Variants in MCF2L observed in about 807,000 individuals in gnomAD.
MCF2L encodes guanine nucleotide exchange factor DBS.
A neutral mutation model predicts 153.4 loss-of-function variants in MCF2L; 97 were observed. The ratio of observed to expected loss-of-function variants is 0.63; its 90% CI spans 0.54 to 0.75. The LOEUF (loss-of-function observed/expected upper bound fraction) is 0.75. MCF2L is among the 30% of genes least tolerant of loss of function. MCF2L has a pLI of 0.00. For missense variants in MCF2L, 1,347 were observed against 1,495.2 expected (o/e 0.90, Z 1.64); for synonymous variants, 659 against 632.2 (o/e 1.04, Z -0.64).
intron 1 of MCF2L, among the ~76,000 whole-genome samples, chr13:112,991,372 A>C (rs1455057952): frequency 7.6e-6 from 1 of 131,714 alleles, no homozygotes; most frequent in East Asian, 2.3e-4. Flanking sequence ...TTTGGGGGGC[A>C]TCTCCCAGGA....
At chr13:112,947,356 A>T (rs568957275) in intron 2 of MCF2L, among the ~76,000 whole-genome samples, 1 of 152,338 alleles carries the variant, frequency 6.6e-6, no homozygotes, top group East Asian at 1.9e-4. Flanking sequence ...GTCTTAGCTC[A>T]TTCCAACACC....
Position 113,012,417 on chromosome 13 carries a change from A to G in MCF2L, c.80-2346A>G, listed in dbSNP as rs190965502. On this transcript the variant is annotated intron_variant, in intron 1 of 29. Coordinates refer to ENST00000535094, the MANE Select transcript of MCF2L (RefSeq NM_001112732.3). ...GTGGACACTGTGATGCGGACGGTGG[A>G]CAGGCAGTGTGGACGGTGGACACTG... is the stretch of plus-strand genomic sequence containing the variant. 6.6e-3 allele frequency among the ~76,000 whole-genome samples: 718 copies of G among 108,118 alleles called. 69 individuals are homozygous for G. Among genetic ancestry groups the G allele is most frequent in the African/African-American group, 0.023 (677 of 29,738 alleles). 70.9% of individuals were successfully genotyped at this position (108,118 alleles called of 152,430 possible).
At chr13:112,963,895 G>A (rs951309059) in intron 2 of MCF2L, among the ~76,000 whole-genome samples, 3 of 152,216 alleles carry the variant, frequency 2.0e-5, no homozygotes, top group Non-Finnish European at 2.9e-5. Flanking sequence ...CAGTGTGCAC[G>A]GCCACGCCAA....
At chr13:113,024,842 A>G in intron 3 of MCF2L, 84 bp downstream of exon 3, 2 of 1,056,308 alleles carry the variant, frequency 1.9e-6, no homozygotes, top group South Asian at 1.3e-5. Flanking sequence ...CCCTGCAACT[A>G]TGGGATGAGG....
chr13:113,091,401 A>G (rs759987888), intron 26 of MCF2L, among the ~76,000 whole-genome samples: 12 of 152,322 alleles, frequency 7.9e-5, no homozygotes, highest in Middle Eastern at 6.8e-3. Context: ...AACTCCTCAC[A>G]GCAGGTCTAT....
chr13:112,895,325 A>G (rs1249164256), intron 1 of MCF2L, among the ~76,000 whole-genome samples: 3 of 152,146 alleles, frequency 2.0e-5, no homozygotes, highest in Admixed American at 2.0e-4. Flanking sequence ...CGGGCCGCCC[A>G]GGCAGGATGT....
intron 1 of MCF2L, among the ~76,000 whole-genome samples, chr13:113,013,385 GCCCTGCTGCTTCCCC>G (rs545261493): frequency 2.6e-4 from 39 of 152,220 alleles, no homozygotes; most frequent in African/African-American, 9.4e-4. Flanking sequence ...TGACACCGTG[GCCCTGCTGCTTCCCC>G]CCCAACACCA....
chr13:113,018,849 T>A (rs920265422), intron 2 of MCF2L, among the ~76,000 whole-genome samples: 8 of 152,164 alleles, frequency 5.3e-5, no homozygotes, highest in Non-Finnish European at 1.2e-4. Flanking sequence ...GCGGCCCCCC[T>A]CCCACTGCCC....
At position 112,969,320 on chromosome 13, in the gene MCF2L, G is replaced by T. The variant is rs1043213121; in HGVS notation, c.-60G>T. On this transcript the variant is annotated 5_prime_UTR_variant, in exon 1 of 30. Transcript: ENST00000535094. The surrounding 1 kb of genome is among the most constrained non-coding windows in gnomAD (Gnocchi z 4.8). ...CCTCCGCACTCGCACGGCCCCACCC[G>T]CAGGCGCCCCCCGTGCGGAGGAAGC... is the stretch of plus-strand genomic sequence containing the variant. The T allele has an allele frequency of 3.8e-5, 58 of 1,543,212 alleles. No homozygotes were observed. The highest frequency in any genetic ancestry group is 5.0e-5 in the Non-Finnish European group (57 of 1,142,414).
In MCF2L at chr13:112,916,264, TGATTA is replaced by T. The variant is rs2081291335; in HGVS notation, c.169+13895_169+13899del. On this transcript the variant is annotated intron_variant, in intron 2 of 29. Transcript: ENST00000375608. ...TATTTGTCCCTTCTCTCTTTTTCCT[TGATTA>T]GGTTAGCGGATAGTTTATCTATTTA... 4.0e-5 allele frequency among the ~76,000 whole-genome samples: 6 copies of T among 150,446 alleles called. No individual in the cohort carries two copies. In the South Asian group the frequency reaches 1.2e-3, roughly 31 times the overall value.
At chr13:113,057,895 G>T (rs1227276366) in intron 4 of MCF2L, among the ~76,000 whole-genome samples, 1 of 140,818 alleles carries the variant, frequency 7.1e-6, no homozygotes, top group African/African-American at 2.7e-5. Flanking sequence ...GTGTTTGGGT[G>T]CTGAGTGGGT....
chr13:113,074,842 C>G lies in MCF2L; in HGVS notation c.1117-156C>G, dbSNP rs2033291868. Among the ~76,000 whole-genome samples, 3 of 152,194 alleles carry G rather than the reference C, an allele frequency of 2.0e-5. No individual in the cohort carries two copies. Among genetic ancestry groups the G allele is most frequent in the Non-Finnish European group, 1.5e-5 (1 of 68,036 alleles). On this transcript the variant is annotated intron_variant, in intron 10 of 29. Coordinates refer to ENST00000535094, the MANE Select transcript of MCF2L (RefSeq NM_001112732.3). The surrounding 1 kb of genome is among the most constrained non-coding windows in gnomAD (Gnocchi z 4.2). ...GCCCCCAGAAGCACTTGCCACAGAA[C>G]AGCTTCGGGGATTAAGCAGCATCTC...
intron 3 of MCF2L, chr13:113,043,803 T>G (rs1162566058): frequency 3.3e-5 from 5 of 152,224 alleles, no homozygotes; most frequent in African/African-American, 1.2e-4. Flanking sequence ...GGCCAAGCAA[T>G]CTTCCCACCT....
chr13:113,087,880 T>G lies in MCF2L; in HGVS notation c.2688+81T>G. 3.2e-6 allele frequency: 4 copies of G among 1,245,706 alleles called. No individual in the cohort carries two copies. In the South Asian group the frequency reaches 3.7e-5, roughly 11 times the overall value. 77.2% of individuals were successfully genotyped at this position (1,245,706 alleles called of 1,614,324 possible). A position where few individuals can be genotyped will look rare whatever the true frequency, so the allele number is the denominator to read the frequency against. On this transcript the variant is annotated intron_variant, in intron 23 of 29. Transcript: ENST00000535094. ...TGGGAACCAGTGCAAGGATCTGCCA[T>G]GAAGTTGCATCGAGCCCAGGAGCAG...
intron 1 of MCF2L, chr13:113,001,731 G>A: frequency 1.5e-6 from 2 of 1,360,458 alleles, no homozygotes; most frequent in South Asian, 1.8e-5. Context: ...TCGAATCGGA[G>A]GCCCTGGGAG....
At position 113,094,579 on chromosome 13, in the gene MCF2L, G is replaced by A. The variant is rs749547050; in HGVS notation, c.3019G>A (p.Glu1007Lys). The change falls in exon 27 of 30, where the codon GAG becomes AAG. Residue 1007 changes from glutamate (E) to lysine (K), a missense_variant. Physicochemically the swap from Glu to Lys is moderately conservative, Grantham distance 56. Around this residue, in one of 3 missense-constraint regions of MCF2L, gnomAD observed 383 missense variants for 335.4 expected, o/e 1.14. Coordinates refer to ENST00000535094, the MANE Select transcript of MCF2L (RefSeq NM_001112732.3). ...EDDGGWSSAE[E>K]QINSSDAEED... ...CGACGGGGGCTGGTCAAGTGCAGAG[G>A]AGCAGATTAACTCGTCCGACGCAGA... 1.2e-5 allele frequency: 19 copies of A among 1,612,570 alleles called. No individual in the cohort carries two copies. Among genetic ancestry groups the A allele is most frequent in the Non-Finnish European group, 5.9e-6 (7 of 1,179,760 alleles).
chr13:112,957,821 A>G (rs916785068), intron 2 of MCF2L: 1 of 152,050 alleles, frequency 6.6e-6, no homozygotes, highest in Non-Finnish European at 1.5e-5. Flanking sequence ...TGTGAAGTGA[A>G]TTAACATACA....
chr13:113,082,397 C>A, intron 16 of MCF2L, 30 bp from the exon 17 acceptor site: 1 of 1,424,960 alleles, frequency 7.0e-7, no homozygotes, highest in Non-Finnish European at 9.9e-7. Context: ...AGGCCCAGGA[C>A]CCCCGCCGAC....
At chr13:113,030,171 C>T (rs1276136398) in intron 3 of MCF2L, among the ~76,000 whole-genome samples, 2 of 152,228 alleles carry the variant, frequency 1.3e-5, no homozygotes, top group East Asian at 1.9e-4. Context: ...CTCATCAGGG[C>T]GAAGGGGGTG....
Sources: allele counts gnomAD v4.1 joint callset (sites outside exome capture counted in the v4.1 genomes callset), GRCh38; gene constraint gnomAD v4.1.1; regional missense constraint gnomAD v4.1.1; non-coding constraint Gnocchi (gnomAD v3.1); transcripts MANE v1.5; gene names NCBI Gene and HGNC (gene_info 2026-07-23, HGNC 2026-07-21).